The following HK3 variants were observed in gnomAD, a reference collection of about 807,000 sequenced individuals.
HK3 encodes the protein hexokinase 3.
In HK3, 93 loss-of-function variants were observed where a neutral mutation model predicts 91.0. That is an observed-to-expected ratio of 1.02 (90% CI 0.86 to 1.21). The LOEUF (loss-of-function observed/expected upper bound fraction) is 1.21. Among genes scored for constraint, HK3 ranks in the 50% most tolerant of loss-of-function variants. HK3 has a pLI of 0.00. For synonymous variants in HK3, 519 were observed against 516.9 expected (o/e 1.00, Z -0.06); for missense variants, 1,235 against 1,247.4 (o/e 0.99, Z 0.15).
chr5:176,886,988 TG>T lies in HK3; in HGVS notation c.1857+13del. The T allele has an allele frequency of 6.2e-7, 1 of 1,613,808 alleles. No individual in the cohort carries two copies. Among genetic ancestry groups the T allele is most frequent in the Non-Finnish European group, 8.5e-7 (1 of 1,179,908 alleles). On this transcript the variant is annotated intron_variant, in intron 13 of 18. Coordinates refer to ENST00000292432, the MANE Select transcript of HK3 (RefSeq NM_002115.3). ...GGAGGCCCTTGGGAATCACTTCTCT[TG>T]GCCCTCCCTCACCTGGTCTAGGCCA...
Position 176,888,432 on chromosome 5 carries a change from C to T in HK3, c.1204G>A (p.Ala402Thr), listed in dbSNP as rs375283062. The T allele has an allele frequency of 1.9e-4, 291 of 1,559,700 alleles. No individual in the cohort carries two copies. Among genetic ancestry groups the T allele is most frequent in the Non-Finnish European group, 2.4e-4 (273 of 1,151,348 alleles). The change falls in exon 10 of 19, where the codon GCC becomes ACC. Residue 402 changes from alanine (A) to threonine (T), a missense_variant. Around this residue, in one of 3 missense-constraint regions of HK3, gnomAD observed 717 missense variants for 751.6 expected, o/e 0.95. Coordinates refer to ENST00000292432, the MANE Select transcript of HK3 (RefSeq NM_002115.3). ...CTRAAQLCAAALAAVLSCLQH... is the reference protein window; with the variant it reads ...CTRAAQLCAATLAAVLSCLQH... Reference sequence around the variant, plus strand: ...AGGCAGGAGAGAACAGCGGCCAGGGCGGCAGCACAGAGCTGGGCAGCCCGC... The same window carrying T: ...AGGCAGGAGAGAACAGCGGCCAGGGTGGCAGCACAGAGCTGGGCAGCCCGC...
chr5:176,881,819 G>A lies in HK3; in HGVS notation c.2266C>T (p.Leu756=). ...AGGATGTGGCGGACGATCTCCCCCAGGTACATGCCGCTGATCATCTTTTCA... is the reference window on the plus strand; with the variant it reads ...AGGATGTGGCGGACGATCTCCCCCAAGTACATGCCGCTGATCATCTTTTCA... ...RFEKMISGMY[L]GEIVRHILLH... is the part of the protein sequence containing the mutation. Residue 756 remains leucine (L), a synonymous_variant, in exon 17 of 19, where the codon CTG becomes TTG. Transcript: ENST00000292432. 6.2e-7 allele frequency: 1 copy of A among 1,614,082 alleles called. No individual in the cohort carries two copies. The highest frequency in any genetic ancestry group is 8.5e-7 in the Non-Finnish European group (1 of 1,180,024).
chr5:176,895,964 G>A, intron 2 of HK3, 100 bp downstream of exon 2: 1 of 916,560 alleles, frequency 1.1e-6, no homozygotes, highest in South Asian at 1.3e-5. Context: ...AGTGGAAAGG[G>A]GCTGCATGGG....
intron 6 of HK3, among the ~76,000 whole-genome samples, chr5:176,890,184 T>C (rs1255900815): frequency 5.9e-5 from 9 of 152,174 alleles, no homozygotes; most frequent in Non-Finnish European, 1.3e-4. Context: ...GTGTGTGGCC[T>C]TCTCTGAGAC....
intron 1 of HK3, among the ~76,000 whole-genome samples, chr5:176,897,041 A>G (rs1189079889): frequency 6.6e-6 from 1 of 152,046 alleles, no homozygotes; most frequent in African/African-American, 2.4e-5. Flanking sequence ...CCCCATCTCA[A>G]CCTCCAGGCT....
In HK3 at chr5:176,881,374, C is replaced by T. The variant is rs1380149933; in HGVS notation, c.2555G>A (p.Arg852Gln). The stretch of plus-strand genomic sequence containing the variant: ...CAGCTCTTCCAGGCCCCGGTTCTCC[C>T]GGATCTTCTCCACCACGGCAGCTAC... ...AGVAAVVEKI[R>Q]ENRGLEELAV... The change falls in exon 18 of 19, where the codon CGG becomes CAG. Residue 852 changes from arginine (R) to glutamine (Q), a missense_variant. Physicochemically the swap from Arg to Gln is conservative, Grantham distance 43 (BLOSUM62 1). Around this residue, in one of 3 missense-constraint regions of HK3, gnomAD observed 513 missense variants for 477.4 expected, o/e 1.07. Coordinates refer to ENST00000292432, the MANE Select transcript of HK3 (RefSeq NM_002115.3). The T allele has an allele frequency of 9.9e-6, 16 of 1,613,944 alleles. No homozygotes were observed. Among genetic ancestry groups the T allele is most frequent in the Admixed American group, 8.3e-5 (5 of 60,030 alleles).
At position 176,890,960 on chromosome 5, in the gene HK3, G is replaced by C. The variant is rs374983780; in HGVS notation, c.415-19C>G. 31 of 1,613,980 alleles carry C rather than the reference G, an allele frequency of 1.9e-5. No homozygotes were observed. The highest frequency in any genetic ancestry group is 1.6e-4 in the East Asian group (7 of 44,878). On this transcript the variant is annotated intron_variant, in intron 4 of 18. Coordinates refer to ENST00000292432, the MANE Select transcript of HK3 (RefSeq NM_002115.3). ...CAAAGAGCTGCAGGAGAAGTGGGGG[G>C]GCTCAGCCTTGCCCATCTGAGCCCT...
At chr5:176,894,607 G>T (rs555844075) in intron 2 of HK3, among the ~76,000 whole-genome samples, 13 of 152,252 alleles carry the variant, frequency 8.5e-5, no homozygotes, top group Non-Finnish European at 1.9e-4. Flanking sequence ...AGGGTCTGGG[G>T]TACAGGTTGG....
Position 176,881,186 on chromosome 5 carries a change from C to T in HK3, c.2659G>A (p.Glu887Lys), listed in dbSNP as rs945052976. Residue 887 changes from glutamate to lysine, a missense_variant, in exon 19 of 19, where the codon GAG becomes AAG. Glu to Lys is a moderately conservative substitution (Grantham distance 56, BLOSUM62 1). Around this residue, in one of 3 missense-constraint regions of HK3, gnomAD observed 513 missense variants for 477.4 expected, o/e 1.07. Transcript: ENST00000292432. ...GTGACCACACAGCGAGGGGCCAGCT[C>T]CCGCACTGTGGCCGCCACCAGGCTG... Reference protein sequence around the residue: ...FSSLVAATVRELAPRCVVTFL... With the variant: ...FSSLVAATVRKLAPRCVVTFL... 1.2e-6 allele frequency: 2 copies of T among 1,613,040 alleles called. No individual in the cohort carries two copies.
chr5:176,886,334 T>G (rs692200), intron 13 of HK3, among the ~76,000 whole-genome samples: 17,602 of 151,700 alleles, frequency 0.12, 2,217 homozygotes, highest in African/African-American at 0.32. Context: ...AGCTTTTCAT[T>G]GATCACAGGT....
chr5:176,889,774 C>G lies in HK3; in HGVS notation c.631-30G>C, dbSNP rs766532936. The G allele has an allele frequency of 3.1e-6, 5 of 1,602,970 alleles. No individual in the cohort carries two copies. In the African/African-American group the frequency reaches 6.7e-5, roughly 21 times the overall value. ...ATGATGAAGAGGGCAGAGGTCAAGG[C>G]TGGCCTGAGTGGCCAGAGGAGGGAA... is the stretch of plus-strand genomic sequence containing the variant. On this transcript the variant is annotated intron_variant, in intron 6 of 18. Coordinates refer to ENST00000292432, the MANE Select transcript of HK3 (RefSeq NM_002115.3).
At chr5:176,896,213 C>A in intron 1 of HK3, 28 bp from the exon 2 acceptor site, 1 of 1,336,340 alleles carries the variant, frequency 7.5e-7, no homozygotes, top group South Asian at 1.3e-5. Context: ...CAACCTGGGT[C>A]AACCATTTAC....
intron 6 of HK3, 113 bp from the exon 7 acceptor site, chr5:176,889,857 A>C: frequency 1.2e-6 from 1 of 803,078 alleles, no homozygotes. Context: ...AGAGTCCATG[A>C]AACACATGTC....
chr5:176,881,112 G>A lies in HK3; in HGVS notation c.2733C>T (p.Thr911=), dbSNP rs61745231. 25,280 of 1,612,320 alleles carry A rather than the reference G, an allele frequency of 0.016. 360 individuals carry two copies. Among genetic ancestry groups the A allele is most frequent in the South Asian group, 0.051 (4,647 of 91,052 alleles). ...DGSGKGAALV[T]AVACRLAQLT... ...ACTGCGCAAGGCGGCAGGCAACAGC[G>A]GTGACCAGGGCCGCACCTTTGCCGG... The change falls in exon 19 of 19, where the codon ACC becomes ACT. Residue 911 remains threonine (T), a synonymous_variant. Transcript: ENST00000292432.
intron 15 of HK3, among the ~76,000 whole-genome samples, chr5:176,883,034 G>A (rs1758485892): frequency 6.6e-6 from 1 of 152,136 alleles, no homozygotes; most frequent in South Asian, 2.1e-4. Flanking sequence ...TTTCTTTCAG[G>A]GCTTTCAAGT....
intron 18 of HK3, 25 bp downstream of exon 18, chr5:176,881,277 C>T: frequency 1.2e-6 from 2 of 1,613,526 alleles, no homozygotes; most frequent in Non-Finnish European, 1.7e-6. Flanking sequence ...ACACCTCCCT[C>T]CCCAGCCCGC....
Position 176,881,956 on chromosome 5 carries a change from G to C in HK3, c.2225C>G (p.Pro742Arg). The C allele has an allele frequency of 3.1e-6, 5 of 1,613,574 alleles. No homozygotes were observed. The highest frequency in any genetic ancestry group is 4.2e-6 in the Non-Finnish European group (5 of 1,179,960). The change falls in exon 16 of 19, where the codon CCC becomes CGC. Residue 742 changes from proline (P) to arginine (R), a missense_variant. Transcript: ENST00000292432. ...GCCCAGCCCACACCTCTGCTTGCCG[G>C]GGTTGATGGACGCCTGGTCCACACT... is the stretch of plus-strand genomic sequence containing the variant. ...DASVDQASIN[P>R]GKQRFEKMIS...
At chr5:176,894,654 G>C (rs1324830723) in intron 2 of HK3, among the ~76,000 whole-genome samples, 2 of 152,168 alleles carry the variant, frequency 1.3e-5, no homozygotes, top group Non-Finnish European at 2.9e-5. Flanking sequence ...GCAGCGAGGG[G>C]TAATGCCTCC....
chr5:176,890,541 G>A lies in HK3; in HGVS notation c.630+94C>T, dbSNP rs1581299833. 4 of 1,029,802 alleles carry A rather than the reference G, an allele frequency of 3.9e-6. No homozygotes were observed. In the East Asian group the frequency reaches 7.1e-5, roughly 18 times the overall value. The allele number at this position is 1,029,802 out of a possible 1,614,324, so 63.8% of individuals were successfully genotyped here. ...CTGGATGGAGGACATGAAGAGAAGA[G>A]GAAAGCAACTCTCTCAGAAGCCCAG... On this transcript the variant is annotated intron_variant, in intron 6 of 18. Coordinates refer to ENST00000292432, the MANE Select transcript of HK3 (RefSeq NM_002115.3).
Sources: gnomAD v4.1 joint callset for allele counts (sites outside exome capture counted in the v4.1 genomes callset) on GRCh38, gnomAD v4.1.1 for gene constraint, gnomAD v4.1.1 regional missense constraint, MANE v1.5 for transcripts, NCBI Gene and HGNC (gene_info 2026-07-23, HGNC 2026-07-21) for gene names.